Variants in MACROD2 observed in about 807,000 individuals in gnomAD.
MACROD2 encodes the protein mono-ADP ribosylhydrolase 2.
MACROD2 carries 36 observed loss-of-function variants against 70.4 expected under a neutral mutation model. The ratio of observed to expected loss-of-function variants is 0.51; its 90% confidence interval spans 0.39 to 0.68. The LOEUF is 0.68. MACROD2 is among the 30% of genes least tolerant of loss of function. The probability of loss-of-function intolerance (pLI) is 0.00; values close to 1 mark genes in which losing one functional copy is unlikely to be tolerated. For missense variants in MACROD2, 496 were observed against 538.4 expected (o/e 0.92, Z 0.78); for synonymous variants, 172 against 178.8 (o/e 0.96, Z 0.30).
intron 5 of MACROD2, among the ~76,000 whole-genome samples, chr20:15,170,696 T>G (rs2076416538): frequency 6.6e-6 from 1 of 152,202 alleles, no homozygotes; most frequent in East Asian, 1.9e-4. Context: ...GTTGGGGGAC[T>G]CTGGGAAATG....
chr20:14,907,131 G>A (rs2073968427), intron 5 of MACROD2, among the ~76,000 whole-genome samples: 1 of 152,166 alleles, frequency 6.6e-6, no homozygotes. Context: ...GCAACACCTG[G>A]AAGTTACCAC....
At chr20:14,807,286 A>G (rs931481475) in intron 5 of MACROD2, among the ~76,000 whole-genome samples, 2 of 152,122 alleles carry the variant, frequency 1.3e-5, no homozygotes, top group Admixed American at 1.3e-4. Context: ...TCTGCTGGTA[A>G]TATCCAGGCA....
intron 3 of MACROD2, chr20:14,223,225 C>T (rs1395869567): frequency 6.6e-6 from 1 of 152,264 alleles, no homozygotes; most frequent in South Asian, 2.1e-4. Context: ...GTGAAGCAGC[C>T]CAGGTCTGAA....
At chr20:14,569,808 C>T (rs55935507) in intron 4 of MACROD2, among the ~76,000 whole-genome samples, 4,805 of 151,530 alleles carry the variant, frequency 0.032, 243 homozygotes, top group African/African-American at 0.11. Context: ...GAATTTGGAT[C>T]CTAAGGGAAA....
At chr20:14,274,887 C>G (rs2082235288) in intron 3 of MACROD2, among the ~76,000 whole-genome samples, 2 of 150,794 alleles carry the variant, frequency 1.3e-5, no homozygotes, top group African/African-American at 4.9e-5. Context: ...TGAGTGAACT[C>G]CCATTCACAA....
intron 4 of MACROD2, among the ~76,000 whole-genome samples, chr20:14,620,545 G>C (rs945768836): frequency 5.3e-5 from 8 of 151,990 alleles, no homozygotes; most frequent in African/African-American, 1.9e-4. Context: ...TGAGCCCAGA[G>C]GCAATTTTTC....
chr20:14,583,258 C>T (rs1981159758), intron 4 of MACROD2, among the ~76,000 whole-genome samples: 1 of 152,114 alleles, frequency 6.6e-6, no homozygotes, highest in Admixed American at 6.5e-5. Context: ...TGCTGGAGTT[C>T]CTAACCCACA....
intron 8 of MACROD2, among the ~76,000 whole-genome samples, chr20:15,819,531 A>G (rs899682630): frequency 1.1e-4 from 17 of 148,266 alleles, no homozygotes; most frequent in Middle Eastern, 3.2e-3. Context: ...ATATGTCAAT[A>G]TAGGTACATA....
At position 14,262,179 on chromosome 20, in the gene MACROD2, G is replaced by A. The variant is rs527822258; in HGVS notation, c.271+176451G>A. 1.8e-3 allele frequency among the ~76,000 whole-genome samples: 280 copies of A among 152,260 alleles called. 1 individual carries two copies. The highest frequency in any genetic ancestry group is 5.5e-3 in the Admixed American group (84 of 15,296). ...AGGAATGGAGGGAAAGTTAGGCAGAGGCTAAGTATAAAAGATCTTTTAATC... is the reference window on the plus strand; with the variant it reads ...AGGAATGGAGGGAAAGTTAGGCAGAAGCTAAGTATAAAAGATCTTTTAATC... On this transcript the variant is annotated intron_variant, in intron 3 of 17. Coordinates refer to ENST00000684519, the MANE Select transcript of MACROD2 (RefSeq NM_001351661.2).
rs113531996 is a variant in MACROD2, at chr20:15,823,595, T to C, written c.646-39150T>C. ...AGAGATTTACATTAAATAGCGGTCA[T>C]CACGGCGTTCGTAAGTTTCCAACTA... On this transcript the variant is annotated intron_variant, in intron 8 of 17. Transcript: ENST00000684519. Among the ~76,000 whole-genome samples the C allele has an allele frequency of 1.7e-3, 253 of 152,330 alleles. 1 individual carries two copies. The highest frequency in any genetic ancestry group is 5.8e-3 in the African/African-American group (241 of 41,590).
chr20:15,130,373 G>T (rs1452791135), intron 5 of MACROD2, among the ~76,000 whole-genome samples: 1 of 151,824 alleles, frequency 6.6e-6, no homozygotes, highest in Non-Finnish European at 1.5e-5. Flanking sequence ...TGCATGTCTG[G>T]CTTTGGTAAT....
At position 15,704,424 on chromosome 20, in the gene MACROD2, G is replaced by GA. The variant is rs199739690; in HGVS notation, c.646-158313dup. 7.4e-3 allele frequency among the ~76,000 whole-genome samples: 1,127 copies of GA among 151,728 alleles called. 12 individuals are homozygous for GA. Among genetic ancestry groups the GA allele is most frequent in the Non-Finnish European group, 8.0e-3 (546 of 67,908 alleles). On this transcript the variant is annotated intron_variant, in intron 8 of 17. Transcript: ENST00000684519. ...ACTACAAAAACCTGCATAAGGCATTGAAAAAAAACCCTCCGTTAGAGATTG... is the reference window on the plus strand; with the variant it reads ...ACTACAAAAACCTGCATAAGGCATTGAAAAAAAAACCCTCCGTTAGAGATTG...
intron 7 of MACROD2, among the ~76,000 whole-genome samples, chr20:15,451,006 A>T (rs1023357454): frequency 6.6e-5 from 10 of 152,188 alleles, no homozygotes; most frequent in Non-Finnish European, 4.4e-5. Flanking sequence ...TTTCTCATTT[A>T]TGAATCTATT....
chr20:15,499,268 G>A (rs536100117), intron 7 of MACROD2, among the ~76,000 whole-genome samples: 1 of 152,266 alleles, frequency 6.6e-6, no homozygotes, highest in South Asian at 2.1e-4. Flanking sequence ...ATGGCCCCAA[G>A]TGAAACAGGA....
At chr20:14,308,459 T>A (rs556727337) in intron 3 of MACROD2, among the ~76,000 whole-genome samples, 2 of 152,108 alleles carry the variant, frequency 1.3e-5, no homozygotes, top group Non-Finnish European at 2.9e-5. Context: ...GAGGGTGTTA[T>A]TATTTTTAAA....
intron 5 of MACROD2, among the ~76,000 whole-genome samples, chr20:15,211,117 C>G (rs909337521): frequency 3.9e-5 from 6 of 152,158 alleles, no homozygotes; most frequent in African/African-American, 1.4e-4. Flanking sequence ...CTTCCCCACT[C>G]CTTGACAACC....
intron 5 of MACROD2, among the ~76,000 whole-genome samples, chr20:15,228,991 A>G (rs2076936341): frequency 6.6e-6 from 1 of 152,184 alleles, no homozygotes; most frequent in Non-Finnish European, 1.5e-5. Flanking sequence ...AAAGTTGATT[A>G]GTTGTTATGA....
intron 15 of MACROD2, among the ~76,000 whole-genome samples, chr20:15,995,756 C>G (rs2066622520): frequency 6.7e-6 from 1 of 149,946 alleles, no homozygotes; most frequent in Non-Finnish European, 1.5e-5. Flanking sequence ...CAAGTTTCAT[C>G]CATGTTGTCA....
At chr20:15,680,576 G>A (rs868642693) in intron 8 of MACROD2, among the ~76,000 whole-genome samples, 12 of 152,192 alleles carry the variant, frequency 7.9e-5, no homozygotes, top group African/African-American at 2.2e-4. Flanking sequence ...CTACCTGTGA[G>A]GTGAGACACT....
Sources: allele counts gnomAD v4.1 joint callset (sites outside exome capture counted in the v4.1 genomes callset), GRCh38; gene constraint gnomAD v4.1.1; transcripts MANE v1.5; gene names NCBI Gene and HGNC (gene_info 2026-07-23, HGNC 2026-07-21).